The following TMC2 variants were observed in gnomAD, a reference collection of about 807,000 sequenced individuals.
TMC2 encodes the protein transmembrane channel like 2.
In TMC2, 102 loss-of-function variants were observed where a neutral mutation model predicts 105.9. That is an observed-to-expected ratio of 0.96 (90% CI 0.82 to 1.14). TMC2 has a LOEUF of 1.14. TMC2 is among the 50% of genes most tolerant of loss of function. TMC2 has a pLI of 0.00. For synonymous variants in TMC2, 402 were observed against 422.8 expected (o/e 0.95, Z 0.60); for missense variants, 1,093 against 1,134.3 (o/e 0.96, Z 0.52).
chr20:2,634,728 A>T (rs1041712389), intron 17 of TMC2, among the ~76,000 whole-genome samples: 7 of 151,868 alleles, frequency 4.6e-5, no homozygotes, highest in African/African-American at 1.5e-4. Context: ...TTCCTCCCTT[A>T]AAAAAATGGG....
At chr20:2,560,195 C>A (rs1338883878) in intron 3 of TMC2, among the ~76,000 whole-genome samples, 4 of 151,938 alleles carry the variant, frequency 2.6e-5, no homozygotes, top group Non-Finnish European at 5.9e-5. Context: ...GTCCAACACC[C>A]CAAACTGTGG....
At chr20:2,589,595 T>C (rs891136489) in intron 7 of TMC2, among the ~76,000 whole-genome samples, 5 of 152,130 alleles carry the variant, frequency 3.3e-5, no homozygotes, top group African/African-American at 1.2e-4. Flanking sequence ...GTCATGATTG[T>C]CCACTTGTCT....
chr20:2,536,832 G>A (rs377033948), intron 1 of TMC2, among the ~76,000 whole-genome samples, 177 bp downstream of exon 1: 3 of 152,236 alleles, frequency 2.0e-5, no homozygotes, highest in Admixed American at 6.5e-5. Flanking sequence ...TGATCCTCAC[G>A]CATGAGATGG....
In TMC2 at chr20:2,592,355, C is replaced by T. The variant is rs774736293; in HGVS notation, c.880C>T (p.Pro294Ser). ...TGGGAGTATTCCCAGAAAGACAGTG[C>T]CTCGGGCTGAGGAAGAAAAGGCCAT... ...PYGSIPRKTV[P>S]RAEEEKAMDF... The change falls in exon 8 of 20, where the codon CCT becomes TCT. Residue 294 changes from proline (P) to serine (S), a missense_variant. By Grantham distance (74) the Pro-to-Ser change is moderately conservative (BLOSUM62 -1). Coordinates refer to ENST00000358864, the MANE Select transcript of TMC2 (RefSeq NM_080751.3). The surrounding 1 kb of genome is among the most constrained non-coding windows in gnomAD (Gnocchi z 4.9). 1.9e-6 allele frequency: 3 copies of T among 1,614,036 alleles called. No individual in the cohort carries two copies. Among genetic ancestry groups the T allele is most frequent in the Non-Finnish European group, 2.5e-6 (3 of 1,179,964 alleles).
intron 7 of TMC2, among the ~76,000 whole-genome samples, chr20:2,587,433 T>G (rs1190162011): frequency 6.6e-6 from 1 of 152,286 alleles, no homozygotes; most frequent in South Asian, 2.1e-4. Context: ...TCTAGAATTT[T>G]TGCATCTATT....
chr20:2,544,437 G>A (rs942129258), intron 2 of TMC2, among the ~76,000 whole-genome samples: 1 of 152,132 alleles, frequency 6.6e-6, no homozygotes, highest in Non-Finnish European at 1.5e-5. Flanking sequence ...CGAATCTAGA[G>A]TCCATGTAAC....
At chr20:2,569,878 C>CA (rs2086090727) in intron 4 of TMC2, among the ~76,000 whole-genome samples, 1 of 152,084 alleles carries the variant, frequency 6.6e-6, no homozygotes, top group Non-Finnish European at 1.5e-5. Flanking sequence ...CCAGAGGGGC[C>CA]CCAGACACAG....
In TMC2 at chr20:2,643,204, C is replaced by G. The variant is rs531462351; in HGVS notation, c.*1853C>G. ...GGTCCAAGCCCCAAATCCAAAACTG[C>G]CTGTGTGTCATATGCCTTCCCCCAA... On this transcript the variant is annotated 3_prime_UTR_variant, in exon 20 of 20. Transcript: ENST00000358864. Among the ~76,000 whole-genome samples, 1 of 152,158 alleles carries G rather than the reference C, an allele frequency of 6.6e-6. No homozygotes were observed. The highest frequency in any genetic ancestry group is 2.4e-5 in the African/African-American group (1 of 41,446).
intron 6 of TMC2, 108 bp downstream of exon 6, chr20:2,579,335 G>A (rs1420230129): frequency 8.2e-6 from 4 of 489,104 alleles, no homozygotes; most frequent in African/African-American, 4.0e-5. Flanking sequence ...TGGTTCTGTT[G>A]TATTAGGAAA....
intron 4 of TMC2, among the ~76,000 whole-genome samples, chr20:2,563,855 TG>T (rs2086044774): frequency 1.3e-5 from 2 of 152,116 alleles, no homozygotes; most frequent in Non-Finnish European, 2.9e-5. Flanking sequence ...ACCTCTCCAG[TG>T]GCTGGGACTA....
chr20:2,640,845 G>A (rs7262186), intron 19 of TMC2, among the ~76,000 whole-genome samples: 9,614 of 152,052 alleles, frequency 0.063, 1,062 homozygotes, highest in African/African-American at 0.22. Context: ...CGAGGCTGCC[G>A]TTATTCTTGT....
At chr20:2,573,673 G>T (rs985593810) in intron 5 of TMC2, among the ~76,000 whole-genome samples, 2 of 147,218 alleles carry the variant, frequency 1.4e-5, no homozygotes, top group Admixed American at 7.0e-5. Context: ...CCATTCTCCT[G>T]CCTCAGCCTC....
At position 2,558,820 on chromosome 20, in the gene TMC2, C is replaced by T; in HGVS notation, c.401+46C>T. ...TGGGCATTCGCTCCGCGCGCTCCCG[C>T]TCCTTCGCGGCCCTTCCCCTTCCCC... On this transcript the variant is annotated intron_variant, in intron 3 of 19. Coordinates refer to ENST00000358864, the MANE Select transcript of TMC2 (RefSeq NM_080751.3). This position sits in a 1 kb window ranked among gnomAD's most constrained non-coding sequence, Gnocchi z 4.6. The T allele has an allele frequency of 2.0e-6, 3 of 1,483,586 alleles. No homozygotes were observed. In the South Asian group the frequency reaches 4.2e-5, roughly 21 times the overall value. 91.9% of individuals were successfully genotyped at this position (1,483,586 alleles called of 1,614,324 possible). A position where few individuals can be genotyped will look rare whatever the true frequency, so the allele number is the denominator to read the frequency against.
chr20:2,583,320 C>CAAT (rs1351682882), intron 7 of TMC2, among the ~76,000 whole-genome samples: 3 of 152,238 alleles, frequency 2.0e-5, no homozygotes, highest in African/African-American at 7.2e-5. Context: ...CTGTTGATTC[C>CAAT]CTTCTTGGTT....
At chr20:2,586,635 C>T (rs1395538849) in intron 7 of TMC2, among the ~76,000 whole-genome samples, 2 of 152,116 alleles carry the variant, frequency 1.3e-5, no homozygotes, top group Non-Finnish European at 1.5e-5. Context: ...ACAACCATAT[C>T]TCGTGTGAAC....
intron 4 of TMC2, among the ~76,000 whole-genome samples, chr20:2,565,417 T>G (rs1286270670): frequency 1.3e-5 from 2 of 152,160 alleles, no homozygotes; most frequent in African/African-American, 2.4e-5. Context: ...TTGTTGTAGT[T>G]GTTGTTTTAG....
chr20:2,637,867 G>GCA (rs2086660007), intron 19 of TMC2, among the ~76,000 whole-genome samples: 1 of 152,194 alleles, frequency 6.6e-6, no homozygotes, highest in Non-Finnish European at 1.5e-5. Flanking sequence ...GTGCCGTCAT[G>GCA]CACCCCTTAA....
At chr20:2,612,458 C>A in intron 13 of TMC2, 118 bp downstream of exon 13, 2 of 1,005,696 alleles carry the variant, frequency 2.0e-6, no homozygotes, top group Non-Finnish European at 2.7e-6. Flanking sequence ...ATCCAGCAAA[C>A]ATTTCATAAT....
intron 16 of TMC2, among the ~76,000 whole-genome samples, chr20:2,622,478 GC>G (rs1413787590): frequency 1.5e-4 from 23 of 152,252 alleles, no homozygotes; most frequent in Non-Finnish European, 1.5e-5. Flanking sequence ...GACCAGCCTG[GC>G]CAACATGGCG....
Sources: allele counts gnomAD v4.1 joint callset (sites outside exome capture counted in the v4.1 genomes callset), GRCh38; gene constraint gnomAD v4.1.1; non-coding constraint Gnocchi (gnomAD v3.1); transcripts MANE v1.5; gene names NCBI Gene and HGNC (gene_info 2026-07-23, HGNC 2026-07-21).